The following APBB2 variants were observed in gnomAD, a reference collection of about 807,000 sequenced individuals.
The protein encoded by APBB2 is amyloid beta precursor protein binding family B member 2.
In APBB2, 38 loss-of-function variants were observed where a neutral mutation model predicts 82.5. The ratio of observed to expected loss-of-function variants is 0.46; its 90% CI spans 0.36 to 0.60. The LOEUF is 0.60. Ranked by LOEUF, APBB2 falls within the 20% of genes least tolerant of loss-of-function variation. The pLI is 0.00. For synonymous variants in APBB2, 341 were observed against 368.2 expected, an observed-to-expected ratio of 0.93 and a Z score of 0.85; for missense variants, 772 against 972.3, an observed-to-expected ratio of 0.79 and a Z score of 2.74.
At chr4:41,018,946 A>T (rs981565244) in intron 5 of APBB2, among the ~76,000 whole-genome samples, 9 of 152,336 alleles carry the variant, frequency 5.9e-5, no homozygotes, top group Middle Eastern at 3.4e-3. Context: ...TTACTCTCCC[A>T]CTACTACAGT....
intron 3 of APBB2, among the ~76,000 whole-genome samples, chr4:41,082,208 A>G (rs769482389): frequency 6.6e-6 from 1 of 152,240 alleles, no homozygotes; most frequent in Non-Finnish European, 1.5e-5. Context: ...TCCACACCTC[A>G]TAACTTAAAA....
At chr4:40,982,368 AAGGAAGG>A (rs1560448394) in intron 6 of APBB2, among the ~76,000 whole-genome samples, 1 of 16,110 alleles carries the variant, frequency 6.2e-5, no homozygotes, top group African/African-American at 2.2e-4. Flanking sequence ...GGAAGGAAGG[AAGGAAGG>A]AAGGAAGGAA....
At chr4:41,130,296 A>G (rs947516809) in intron 2 of APBB2, among the ~76,000 whole-genome samples, 13 of 152,204 alleles carry the variant, frequency 8.5e-5, no homozygotes, top group African/African-American at 2.9e-4. Context: ...TATCAATGAA[A>G]AGAATGGAAT....
intron 1 of APBB2, among the ~76,000 whole-genome samples, chr4:41,163,599 A>C (rs1765732250): frequency 6.6e-6 from 1 of 152,232 alleles, no homozygotes; most frequent in South Asian, 2.1e-4. Flanking sequence ...GATCATAAAC[A>C]AGCGTCAGTC....
chr4:41,024,198 A>C (rs1286306950), intron 5 of APBB2, among the ~76,000 whole-genome samples: 3 of 152,238 alleles, frequency 2.0e-5, no homozygotes, highest in Non-Finnish European at 4.4e-5. Flanking sequence ...TGAATTAAAC[A>C]CTTAAATGTA....
At chr4:41,138,514 A>T (rs988459658) in intron 2 of APBB2, among the ~76,000 whole-genome samples, 6 of 148,744 alleles carry the variant, frequency 4.0e-5, no homozygotes, top group Non-Finnish European at 9.0e-5. Flanking sequence ...TATACAAAAG[A>T]AACAACCCAA....
chr4:40,979,434 C>T (rs1365292080), intron 6 of APBB2, among the ~76,000 whole-genome samples: 6 of 125,488 alleles, frequency 4.8e-5, no homozygotes, highest in Admixed American at 1.7e-4. Context: ...AGGGATTTTA[C>T]GTATTTATTT....
chr4:41,000,061 A>ATATGTGTGTGTGTGTG (rs1804744228), intron 6 of APBB2, among the ~76,000 whole-genome samples: 4 of 113,220 alleles, frequency 3.5e-5, no homozygotes, highest in African/African-American at 1.5e-4. Context: ...ATGTATATAT[A>ATATGTGTGTGTGTGTG]TGTGTGTATG....
rs901380468 is a variant in APBB2, at chr4:41,117,180, T to C, written c.-260-16430A>G. Among the ~76,000 whole-genome samples, 9 of 152,208 alleles carry C rather than the reference T, an allele frequency of 5.9e-5. 1 individual carries two copies. In the South Asian group the frequency reaches 1.0e-3, roughly 18 times the overall value. ...GTCCTGCATGGTCTTTAAGAAGATA[T>C]TTACTAAGAGTTTCTCATGGGTGAG... On this transcript the variant is annotated intron_variant, in intron 2 of 17. Coordinates refer to ENST00000508593, the MANE Select transcript of APBB2 (RefSeq NM_004307.2).
At chr4:40,881,099 A>G (rs1768348915) in intron 12 of APBB2, 2 of 985,340 alleles carry the variant, frequency 2.0e-6, no homozygotes, top group South Asian at 4.7e-5. Context: ...AGCCACTTTT[A>G]AAGAGATAAA....
intron 2 of APBB2, among the ~76,000 whole-genome samples, chr4:41,109,064 A>G (rs907595681): frequency 3.9e-5 from 6 of 152,086 alleles, no homozygotes; most frequent in African/African-American, 1.4e-4. Flanking sequence ...CATTGATTCC[A>G]CATCCACTGC....
At position 40,964,627 on chromosome 4, in the gene APBB2, G is replaced by A. The variant is rs111242928; in HGVS notation, c.836-19554C>T. On this transcript the variant is annotated intron_variant, in intron 6 of 17. Transcript: ENST00000508593. Reference sequence around the variant, plus strand: ...AAGTCTATCACTCTACCAGGGGAAAGGTAAAATGTGTTGGATTCACAGAAT... The same window carrying A: ...AAGTCTATCACTCTACCAGGGGAAAAGTAAAATGTGTTGGATTCACAGAAT... Among the ~76,000 whole-genome samples, 277 of 152,090 alleles carry A rather than the reference G, an allele frequency of 1.8e-3. 1 individual carries two copies. Among genetic ancestry groups the A allele is most frequent in the African/African-American group, 6.4e-3 (265 of 41,456 alleles).
In APBB2 at chr4:40,815,846, A is replaced by T; in HGVS notation, c.*246T>A. Reference sequence around the variant, plus strand: ...TTAAGTAATGTTCACAATATTTACAATAAGAAAAAGACCTTCCACTGCGCA... The same window carrying T: ...TTAAGTAATGTTCACAATATTTACATTAAGAAAAAGACCTTCCACTGCGCA... On this transcript the variant is annotated 3_prime_UTR_variant, in exon 18 of 18. Transcript: ENST00000508593. 2.2e-6 allele frequency: 1 copy of T among 456,094 alleles called. No homozygotes were observed. Among genetic ancestry groups the T allele is most frequent in the Non-Finnish European group, 3.9e-6 (1 of 253,226 alleles). 28.3% of individuals were successfully genotyped at this position (456,094 alleles called of 1,614,324 possible).
chr4:40,855,141 G>A (rs180966049), intron 12 of APBB2, among the ~76,000 whole-genome samples: 37 of 152,308 alleles, frequency 2.4e-4, no homozygotes, highest in Admixed American at 2.2e-3. Flanking sequence ...TGACCTCCAA[G>A]GCGGCCATCA....
intron 10 of APBB2, among the ~76,000 whole-genome samples, chr4:40,905,810 G>A (rs1776545961): frequency 6.6e-6 from 1 of 152,170 alleles, no homozygotes; most frequent in Admixed American, 6.6e-5. Flanking sequence ...GCTTATTCAG[G>A]GGAGGCCAAA....
chr4:41,118,849 A>G (rs2153989387), intron 2 of APBB2, among the ~76,000 whole-genome samples: 1 of 152,314 alleles, frequency 6.6e-6, no homozygotes, highest in East Asian at 1.9e-4. Context: ...TTTAAAAAAA[A>G]TTAAGACTGG....
intron 6 of APBB2, among the ~76,000 whole-genome samples, chr4:40,955,106 CA>C (rs1403818046): frequency 6.6e-6 from 1 of 152,178 alleles, no homozygotes; most frequent in African/African-American, 2.4e-5. Flanking sequence ...GCTGGGAATA[CA>C]GCAATAAATA....
intron 2 of APBB2, among the ~76,000 whole-genome samples, chr4:41,125,382 C>T (rs1011985622): frequency 1.1e-4 from 17 of 152,122 alleles, no homozygotes; most frequent in Non-Finnish European, 1.5e-5. Flanking sequence ...GCCCTAGATA[C>T]AAAATAGAGA....
At chr4:40,984,802 G>A (rs1329655365) in intron 6 of APBB2, among the ~76,000 whole-genome samples, 1 of 152,138 alleles carries the variant, frequency 6.6e-6, no homozygotes, top group East Asian at 1.9e-4. Context: ...TTCTCATGTT[G>A]TGGGGAGTAC....
Sources: gnomAD v4.1 joint callset for allele counts (sites outside exome capture counted in the v4.1 genomes callset) on GRCh38, gnomAD v4.1.1 for gene constraint, MANE v1.5 for transcripts, NCBI Gene and HGNC (gene_info 2026-07-23, HGNC 2026-07-21) for gene names.